TMEM132D: variants seen among roughly 807,000 people sequenced by gnomAD.
TMEM132D encodes the protein mature OL transmembrane protein.
In TMEM132D, 21 loss-of-function variants were observed where a neutral mutation model predicts 62.3. That is an observed-to-expected ratio of 0.34 (90% CI 0.24 to 0.49). The LOEUF is 0.49. TMEM132D is among the 20% of genes least tolerant of loss of function. The pLI is 0.99. For synonymous variants in TMEM132D, 621 were observed against 575.6 expected, an observed-to-expected ratio of 1.08 and a Z score of -1.13; for missense variants, 1,346 against 1,402.8, an observed-to-expected ratio of 0.96 and a Z score of 0.65.
intron 5 of TMEM132D, among the ~76,000 whole-genome samples, chr12:129,162,474 T>G (rs1877426665): frequency 6.6e-6 from 1 of 152,312 alleles, no homozygotes; most frequent in Non-Finnish European, 1.5e-5. Flanking sequence ...AAAGTGAGCA[T>G]TAATATTAGC....
At chr12:129,555,831 G>A (rs868795859) in intron 2 of TMEM132D, among the ~76,000 whole-genome samples, 4 of 152,178 alleles carry the variant, frequency 2.6e-5, no homozygotes, top group African/African-American at 9.6e-5. Flanking sequence ...GGAGAAAACC[G>A]TAATTGCTTT....
At chr12:129,221,919 A>G (rs1566002109) in intron 4 of TMEM132D, among the ~76,000 whole-genome samples, 1 of 152,174 alleles carries the variant, frequency 6.6e-6, no homozygotes, top group Non-Finnish European at 1.5e-5. Context: ...ACTATATCTA[A>G]TTAGCAATAA....
At chr12:129,111,573 G>A (rs929139646) in intron 5 of TMEM132D, 2 of 152,080 alleles carry the variant, frequency 1.3e-5, no homozygotes, top group African/African-American at 4.8e-5. Context: ...CTATTATCCT[G>A]GCACTCCATA....
At chr12:129,078,968 T>TCCCCACA (rs1018598680) in intron 7 of TMEM132D, among the ~76,000 whole-genome samples, 1 of 152,178 alleles carries the variant, frequency 6.6e-6, no homozygotes, top group African/African-American at 2.4e-5. Context: ...CTTGGCCCTC[T>TCCCCACA]CCCCACACCC....
intron 5 of TMEM132D, among the ~76,000 whole-genome samples, chr12:129,188,797 G>A (rs1004369217): frequency 3.1e-5 from 3 of 96,408 alleles, no homozygotes; most frequent in African/African-American, 1.1e-4. Context: ...GAGAGAGAGA[G>A]AGAAAGAGAG....
intron 2 of TMEM132D, among the ~76,000 whole-genome samples, chr12:129,561,620 A>C (rs1593066732): frequency 6.6e-6 from 1 of 152,298 alleles, no homozygotes; most frequent in East Asian, 1.9e-4. Flanking sequence ...AACTCTTATT[A>C]AGGGCTGAGG....
At chr12:129,665,443 C>A (rs537855349) in intron 2 of TMEM132D, among the ~76,000 whole-genome samples, 1 of 151,464 alleles carries the variant, frequency 6.6e-6, no homozygotes, top group African/African-American at 2.4e-5. Context: ...TGGGCAAAGA[C>A]GAAACCAGAC....
chr12:129,316,276 C>T (rs934339391), intron 4 of TMEM132D, among the ~76,000 whole-genome samples: 8 of 152,020 alleles, frequency 5.3e-5, no homozygotes, highest in African/African-American at 9.7e-5. Context: ...TTGATGTAGG[C>T]GTTTAGGGTT....
intron 1 of TMEM132D, among the ~76,000 whole-genome samples, chr12:129,796,313 G>C (rs1197979649): frequency 2.0e-5 from 3 of 152,048 alleles, no homozygotes; most frequent in Non-Finnish European, 4.4e-5. Context: ...CTACTCATTT[G>C]TTCCAATTTT....
intron 2 of TMEM132D, among the ~76,000 whole-genome samples, chr12:129,553,809 G>A (rs1417508626): frequency 6.6e-6 from 1 of 152,062 alleles, no homozygotes; most frequent in Non-Finnish European, 1.5e-5. Flanking sequence ...GTTTCCTCAT[G>A]ATCACAGACA....
intron 5 of TMEM132D, among the ~76,000 whole-genome samples, chr12:129,204,861 A>T (rs1241491666): frequency 6.6e-6 from 1 of 152,216 alleles, no homozygotes; most frequent in African/African-American, 2.4e-5. Context: ...GAAGAGATTG[A>T]GGTCCTATAT....
At chr12:129,175,813 C>G (rs1305799389) in intron 5 of TMEM132D, among the ~76,000 whole-genome samples, 1 of 152,232 alleles carries the variant, frequency 6.6e-6, no homozygotes. Context: ...CATCTAACTT[C>G]TCAGAGTTAG....
intron 5 of TMEM132D, among the ~76,000 whole-genome samples, chr12:129,124,664 T>C (rs564541075): frequency 1.3e-5 from 2 of 152,346 alleles, no homozygotes; most frequent in Non-Finnish European, 2.9e-5. Context: ...TCTTCTGTGT[T>C]GCTGGGTAGT....
At position 129,623,074 on chromosome 12, in the gene TMEM132D, G is replaced by C. The variant is rs117716181; in HGVS notation, c.968+76736C>G. ...GGGGAAGGGGAGAGAGAGATGGAGAGAAAGAGACTGAGATTTCTAAGGATA... is the reference window on the plus strand; with the variant it reads ...GGGGAAGGGGAGAGAGAGATGGAGACAAAGAGACTGAGATTTCTAAGGATA... On this transcript the variant is annotated intron_variant, in intron 2 of 8. Transcript: ENST00000422113. Among the ~76,000 whole-genome samples, 1,125 of 152,248 alleles carry C rather than the reference G, an allele frequency of 7.4e-3. 48 individuals are homozygous for C. The East Asian group carries it at 0.088, about 12-fold the overall frequency.
At chr12:129,312,662 C>T (rs913774931) in intron 4 of TMEM132D, among the ~76,000 whole-genome samples, 2 of 152,234 alleles carry the variant, frequency 1.3e-5, no homozygotes, top group Non-Finnish European at 2.9e-5. Flanking sequence ...CTCCGCCTCC[C>T]GGGTTCACTC....
At chr12:129,164,960 G>C (rs1877502224) in intron 5 of TMEM132D, among the ~76,000 whole-genome samples, 1 of 152,168 alleles carries the variant, frequency 6.6e-6, no homozygotes, top group African/African-American at 2.4e-5. Flanking sequence ...ACCAGCTTCA[G>C]TCATACGAGC....
intron 1 of TMEM132D, among the ~76,000 whole-genome samples, chr12:129,895,945 T>C (rs1024457832): frequency 5.4e-5 from 8 of 147,336 alleles, no homozygotes; most frequent in Admixed American, 2.8e-4. Context: ...AAGTCAGGAA[T>C]TTGATTTCTC....
intron 1 of TMEM132D, among the ~76,000 whole-genome samples, chr12:129,801,478 C>T (rs1235108031): frequency 6.6e-6 from 1 of 151,902 alleles, no homozygotes; most frequent in Non-Finnish European, 1.5e-5. Context: ...GCTGAGGGTC[C>T]TCTCAGTTAG....
At chr12:129,646,581 C>A (rs773409858) in intron 2 of TMEM132D, among the ~76,000 whole-genome samples, 26 of 152,088 alleles carry the variant, frequency 1.7e-4, no homozygotes, top group Non-Finnish European at 3.4e-4. Context: ...GATAAATACT[C>A]CTCCCAAATA....
Sources: gnomAD v4.1 joint callset for allele counts (sites outside exome capture counted in the v4.1 genomes callset) on GRCh38, gnomAD v4.1.1 for gene constraint, MANE v1.5 for transcripts, NCBI Gene and HGNC (gene_info 2026-07-23, HGNC 2026-07-21) for gene names.